CDYL2: variants seen among roughly 807,000 people sequenced by gnomAD.
CDYL2 encodes chromodomain Y like 2.
In CDYL2, 23 loss-of-function variants were observed where a neutral mutation model predicts 49.4. The observed-to-expected ratio is 0.47, with a 90% CI of 0.34 to 0.66. The LOEUF (loss-of-function observed/expected upper bound fraction) is 0.66. CDYL2 is among the 30% of genes least tolerant of loss of function. The probability of loss-of-function intolerance (pLI) is 0.01; values close to 1 mark genes in which losing one functional copy is unlikely to be tolerated. For synonymous variants in CDYL2, 360 were observed against 268.8 expected, an observed-to-expected ratio of 1.34 and a Z score of -3.32; for missense variants, 678 against 656.4, an observed-to-expected ratio of 1.03 and a Z score of -0.36.
intron 1 of CDYL2, among the ~76,000 whole-genome samples, chr16:80,798,022 G>C (rs1224834940): frequency 6.6e-6 from 1 of 152,042 alleles, no homozygotes; most frequent in Non-Finnish European, 1.5e-5. Context: ...TTGTTTTGTT[G>C]TTGTTGTTGT....
At chr16:80,619,611 G>T (rs573035017) in intron 4 of CDYL2, among the ~76,000 whole-genome samples, 1 of 152,234 alleles carries the variant, frequency 6.6e-6, no homozygotes, top group Non-Finnish European at 1.5e-5. Context: ...AGGCAGTAGT[G>T]AGAGGGCATA....
chr16:80,648,817 C>A (rs1183222421), intron 2 of CDYL2, among the ~76,000 whole-genome samples: 1 of 152,000 alleles, frequency 6.6e-6, no homozygotes, highest in Non-Finnish European at 1.5e-5. Context: ...GGGATTTATC[C>A]CTGGGATACA....
chr16:80,709,642 T>G (rs1904526506), intron 1 of CDYL2, among the ~76,000 whole-genome samples: 2 of 151,844 alleles, frequency 1.3e-5, no homozygotes, highest in South Asian at 4.2e-4. Flanking sequence ...GCGAGTGTGT[T>G]CTGGACCACA....
chr16:80,776,411 C>T (rs969163349), intron 1 of CDYL2, among the ~76,000 whole-genome samples: 30 of 151,966 alleles, frequency 2.0e-4, no homozygotes, highest in African/African-American at 6.5e-4. Context: ...ATCTTTGGCA[C>T]GGATATACTA....
rs369777937 is a variant in CDYL2, at chr16:80,667,328, T to C, written c.616+17210A>G. ...TGCTCTAGAATTGGCTGGACTGCTG[T>C]ATTCTTTGTGATGTGTCAACAGGCA... On this transcript the variant is annotated intron_variant, in intron 2 of 6. Coordinates refer to ENST00000570137, the MANE Select transcript of CDYL2 (RefSeq NM_152342.4). Among the ~76,000 whole-genome samples the C allele has an allele frequency of 5.4e-4, 82 of 152,308 alleles. 1 individual carries two copies. The South Asian group carries it at 6.4e-3, about 12-fold the overall frequency.
At chr16:80,734,943 CTTCCCAGTGATCCCTGAGCACTGAGT>C (rs1905465192) in intron 1 of CDYL2, among the ~76,000 whole-genome samples, 1 of 152,204 alleles carries the variant, frequency 6.6e-6, no homozygotes. Flanking sequence ...CATTCAAAGG[CTTCCCAGTGATCCCTGAGCACTGAGT>C]TTCCTCCTCT....
At chr16:80,755,039 T>C (rs546221184) in intron 1 of CDYL2, among the ~76,000 whole-genome samples, 11 of 152,278 alleles carry the variant, frequency 7.2e-5, no homozygotes, top group South Asian at 6.2e-4. Context: ...GGGAGCCAAA[T>C]AGACTTGTGC....
chr16:80,614,425 C>T (rs561662773), intron 4 of CDYL2, among the ~76,000 whole-genome samples: 1 of 152,170 alleles, frequency 6.6e-6, no homozygotes, highest in African/African-American at 2.4e-5. Context: ...ATTTGCCGAG[C>T]CACAAGATGG....
rs1057400967 is a variant in CDYL2 at position 80,794,726 on chromosome 16, C to T, written c.24+9424G>A. Among the ~76,000 whole-genome samples the T allele has an allele frequency of 2.0e-5, 3 of 151,240 alleles. No homozygotes were observed. The South Asian group carries it at 6.3e-4, about 32-fold the overall frequency. ...TCCCAGGTTCAAGCGATTCTCCTGC[C>T]TCAGCCTCCTGAGCAGCTGGGATTA... On this transcript the variant is annotated intron_variant, in intron 1 of 6. Coordinates refer to ENST00000570137, the MANE Select transcript of CDYL2 (RefSeq NM_152342.4).
At chr16:80,678,352 A>T (rs1909839583) in intron 2 of CDYL2, among the ~76,000 whole-genome samples, 2 of 152,156 alleles carry the variant, frequency 1.3e-5, no homozygotes, top group Non-Finnish European at 2.9e-5. Context: ...AAATTTTCGC[A>T]ACCTACTCAT....
chr16:80,746,685 G>T (rs780194680), intron 1 of CDYL2, among the ~76,000 whole-genome samples: 21 of 152,130 alleles, frequency 1.4e-4, no homozygotes, highest in Non-Finnish European at 2.4e-4. Context: ...AGCTTAGAAG[G>T]CCCCCTTTTG....
At chr16:80,610,999 A>G (rs1906570372) in intron 5 of CDYL2, among the ~76,000 whole-genome samples, 1 of 151,700 alleles carries the variant, frequency 6.6e-6, no homozygotes, top group Admixed American at 6.6e-5. Context: ...TCTCCCCACC[A>G]TCCTCACCAG....
At chr16:80,791,820 G>C (rs1489778768) in intron 1 of CDYL2, among the ~76,000 whole-genome samples, 1 of 152,142 alleles carries the variant, frequency 6.6e-6, no homozygotes, top group Non-Finnish European at 1.5e-5. Context: ...CATTTAATCA[G>C]GAAAGAGACA....
intron 4 of CDYL2, among the ~76,000 whole-genome samples, chr16:80,615,165 C>T (rs1389441314): frequency 6.6e-6 from 1 of 152,166 alleles, no homozygotes; most frequent in Non-Finnish European, 1.5e-5. Context: ...AGAGGGAGTT[C>T]TGGCTCCATG....
intron 4 of CDYL2, among the ~76,000 whole-genome samples, 178 bp from the exon 5 acceptor site, chr16:80,613,014 T>C (rs1263990223): frequency 6.6e-6 from 1 of 152,134 alleles, no homozygotes; most frequent in Non-Finnish European, 1.5e-5. Context: ...TTCTGAGGTA[T>C]ACTGATGGGG....
intron 3 of CDYL2, among the ~76,000 whole-genome samples, chr16:80,626,695 T>A (rs1276412778): frequency 1.3e-5 from 2 of 152,092 alleles, no homozygotes; most frequent in African/African-American, 2.4e-5. Context: ...AGATGATAAG[T>A]GAGCAAACTT....
At chr16:80,729,026 G>C (rs1056565836) in intron 1 of CDYL2, among the ~76,000 whole-genome samples, 14 of 151,760 alleles carry the variant, frequency 9.2e-5, no homozygotes, top group South Asian at 4.2e-4. Context: ...ATCGAGACTA[G>C]GAAGAAACTG....
intron 1 of CDYL2, among the ~76,000 whole-genome samples, chr16:80,748,425 G>A (rs948116967): frequency 6.8e-6 from 1 of 146,890 alleles, no homozygotes; most frequent in Middle Eastern, 3.2e-3. Context: ...TACTTGGGAG[G>A]CTGAGGCAGG....
chr16:80,678,796 T>C (rs1597167842), intron 2 of CDYL2, among the ~76,000 whole-genome samples: 1 of 151,316 alleles, frequency 6.6e-6, no homozygotes, highest in Admixed American at 6.6e-5. Context: ...CATGCTGCTA[T>C]AAAGACACAT....
Sources: allele counts gnomAD v4.1 joint callset (sites outside exome capture counted in the v4.1 genomes callset), GRCh38; gene constraint gnomAD v4.1.1; transcripts MANE v1.5; gene names NCBI Gene and HGNC (gene_info 2026-07-23, HGNC 2026-07-21).